The following ABCG4 variants were observed in gnomAD, a reference collection of about 807,000 sequenced individuals.
ABCG4 encodes ATP binding cassette subfamily G member 4.
ABCG4 carries 35 observed loss-of-function variants against 64.6 expected under a neutral mutation model. The ratio of observed to expected loss-of-function variants is 0.54; its 90% CI spans 0.41 to 0.72. The LOEUF is 0.72. Among genes scored for constraint, ABCG4 ranks in the 30% least tolerant of loss-of-function variants. The probability of loss-of-function intolerance (pLI) is 0.00; values close to 1 mark genes in which losing one functional copy is unlikely to be tolerated. For synonymous variants in ABCG4, 326 were observed against 348.2 expected, an observed-to-expected ratio of 0.94 and a Z score of 0.71; for missense variants, 610 against 846.3, an observed-to-expected ratio of 0.72 and a Z score of 3.46.
At position 119,160,223 on chromosome 11, in the gene ABCG4, C is replaced by G. The variant is rs928715107; in HGVS notation, c.1438-4C>G. The G allele has an allele frequency of 6.2e-7, 1 of 1,606,308 alleles. No homozygotes were observed. ...CCACTGTCCAGCCCGTGCCCACTCC[C>G]CAGGTGGTGTGTCCGGTGGTCTACT... is the stretch of plus-strand genomic sequence containing the variant. On this transcript the variant is annotated splice_polypyrimidine_tract_variant and splice_region_variant and intron_variant, in intron 12 of 14. Transcript: ENST00000619701. This position sits in a 1 kb window ranked among gnomAD's most constrained non-coding sequence, Gnocchi z 4.6.
rs758327531 is a variant in ABCG4, at chr11:119,158,757, G to A, written c.1336+32G>A. The A allele has an allele frequency of 6.2e-7, 1 of 1,614,090 alleles. No homozygotes were observed. Among genetic ancestry groups the A allele is most frequent in the Non-Finnish European group, 8.5e-7 (1 of 1,180,034 alleles). On this transcript the variant is annotated intron_variant, in intron 11 of 14. Coordinates refer to ENST00000619701, the MANE Select transcript of ABCG4 (RefSeq NM_022169.5). The surrounding 1 kb of genome is among the most constrained non-coding windows in gnomAD (Gnocchi z 4.5). ...TGAGCTGCCCTGGGCATGGGGCAAG[G>A]GTGTGGGTGCTGGGGCTTGGGGCAG...
rs1394315177 is a variant in ABCG4 at position 119,158,059 on chromosome 11, T to G, written c.1069-175T>G. Among the ~76,000 whole-genome samples, 1 of 152,196 alleles carries G rather than the reference T, an allele frequency of 6.6e-6. No homozygotes were observed. The highest frequency in any genetic ancestry group is 6.5e-5 in the Admixed American group (1 of 15,286). On this transcript the variant is annotated intron_variant, in intron 9 of 14. Coordinates refer to ENST00000619701, the MANE Select transcript of ABCG4 (RefSeq NM_022169.5). This position sits in a 1 kb window ranked among gnomAD's most constrained non-coding sequence, Gnocchi z 4.5. ...TTTTTGTGTCTGAATCTTGCTCTGA[T>G]TCATACCCCTAAGCCTAGCTTTCAG... is the stretch of plus-strand genomic sequence containing the variant.
intron 12 of ABCG4, among the ~76,000 whole-genome samples, chr11:119,159,287 C>T (rs761362017): frequency 6.6e-6 from 1 of 152,190 alleles, no homozygotes; most frequent in Non-Finnish European, 1.5e-5. Context: ...AGGAGTTTGA[C>T]ACCAGCCTGG....
intron 2 of ABCG4, chr11:119,152,842 C>T (rs889990735): frequency 5.3e-5 from 8 of 152,220 alleles, no homozygotes; most frequent in Non-Finnish European, 7.3e-5. Flanking sequence ...TCTTGATTTT[C>T]CTCTTTCCCC....
chr11:119,151,816 G>C (rs1948196216), intron 2 of ABCG4, among the ~76,000 whole-genome samples: 1 of 152,162 alleles, frequency 6.6e-6, no homozygotes, highest in African/African-American at 2.4e-5. Flanking sequence ...CAAGGGCCTG[G>C]CTGGCCTCTT....
rs1251937763 is a variant in ABCG4 at position 119,156,394 on chromosome 11, G to A, written c.752G>A (p.Arg251His). 6 of 1,614,000 alleles carry A rather than the reference G, an allele frequency of 3.7e-6. No homozygotes were observed. The highest frequency in any genetic ancestry group is 1.1e-5 in the South Asian group (1 of 91,094). Residue 251 changes from arginine (R) to histidine (H), a missense_variant, in exon 7 of 15, where the codon CGT (arginine) becomes CAT (histidine). Coordinates refer to ENST00000619701, the MANE Select transcript of ABCG4 (RefSeq NM_022169.5). This position sits in a 1 kb window ranked among gnomAD's most constrained non-coding sequence, Gnocchi z 5.5. The stretch of plus-strand genomic sequence containing the variant: ...ATGAAGTCCCTGGCACAGGGGGGCC[G>A]TACCATCATCTGCACCATCCACCAG... ...SLMKSLAQGG[R>H]TIICTIHQPS...
At chr11:119,153,674 T>G (rs1592303611) in intron 2 of ABCG4, 1 of 211,680 alleles carries the variant, frequency 4.7e-6, no homozygotes, top group Non-Finnish European at 9.7e-6. Context: ...GTAGTGGGAG[T>G]TTTCCTGGAG....
rs1948166822 is a variant in ABCG4 at position 119,149,803 on chromosome 11, T to TG, written c.-12-145dup. ...GGACTGAGCGTCTCCGTGCGGAGAGTGGGGGGCGGGGGCAGAGTGCGGGGC... is the reference window on the plus strand; with the variant it reads ...GGACTGAGCGTCTCCGTGCGGAGAGTGGGGGGGCGGGGGCAGAGTGCGGGGC... On this transcript the variant is annotated intron_variant, in intron 1 of 14. Transcript: ENST00000619701. This position sits in a 1 kb window ranked among gnomAD's most constrained non-coding sequence, Gnocchi z 8.3. The TG allele has an allele frequency of 1.7e-6, 2 of 1,209,346 alleles. No homozygotes were observed. The highest frequency in any genetic ancestry group is 2.2e-6 in the Non-Finnish European group (2 of 904,276). The allele number at this position is 1,209,346 out of a possible 1,614,324, so 74.9% of individuals were successfully genotyped here. A position where few individuals can be genotyped will look rare whatever the true frequency, so the allele number is the denominator to read the frequency against.
chr11:119,154,535 A>C lies in ABCG4; in HGVS notation c.500A>C (p.Asn167Thr). 3.1e-6 allele frequency: 5 copies of C among 1,613,952 alleles called. No homozygotes were observed. Among genetic ancestry groups the C allele is most frequent in the Non-Finnish European group, 4.2e-6 (5 of 1,179,968 alleles). ...TVLEAMMVSA[N>T]LKLSEKQEVK... The stretch of plus-strand genomic sequence containing the variant: ...CTCTCTGGGCCCCAGGTCTCTGCTA[A>C]CCTGAAGCTGAGTGAGAAGCAGGAG... Residue 167 changes from asparagine to threonine, a missense_variant, in exon 5 of 15, where the codon AAC becomes ACC. Transcript: ENST00000619701. The surrounding 1 kb of genome is among the most constrained non-coding windows in gnomAD (Gnocchi z 7.0).
rs1400088144 is a variant in ABCG4, at chr11:119,154,566, GA to G, written c.533del (p.Lys178ArgfsTer4). 6.2e-7 allele frequency: 1 copy of G among 1,613,510 alleles called. No homozygotes were observed. Among genetic ancestry groups the G allele is most frequent in the African/African-American group, 1.3e-5 (1 of 75,016 alleles). On this transcript the variant is annotated frameshift_variant, in exon 5 of 15. Coordinates refer to ENST00000619701, the MANE Select transcript of ABCG4 (RefSeq NM_022169.5). LOFTEE classifies it high-confidence loss of function. The surrounding 1 kb of genome is among the most constrained non-coding windows in gnomAD (Gnocchi z 7.0). ...AGCTGAGTGAGAAGCAGGAGGTGAA[GA>G]AGGAGCTGGTGAGTGGGGAAGGGAG... is the stretch of plus-strand genomic sequence containing the variant. ...LKLSEKQEVK[K>X]ELVTEILTAL...
intron 12 of ABCG4, among the ~76,000 whole-genome samples, chr11:119,159,717 G>C (rs1359321709): frequency 6.6e-6 from 1 of 152,100 alleles, no homozygotes; most frequent in Non-Finnish European, 1.5e-5. Flanking sequence ...GTTAGAAAAA[G>C]GTGCCCCTTC....
rs1471398192 is a variant in ABCG4 at position 119,160,461 on chromosome 11, T to A, written c.1596+76T>A. The A allele has an allele frequency of 1.9e-6, 3 of 1,608,412 alleles. No homozygotes were observed. Among genetic ancestry groups the A allele is most frequent in the Non-Finnish European group, 2.5e-6 (3 of 1,177,948 alleles). ...GAGGAAGCAGGGCCTGGTGCAAGGG[T>A]TAGGGTGGAGCTCTAGGAAACCTGG... On this transcript the variant is annotated intron_variant, in intron 13 of 14. Transcript: ENST00000619701. The surrounding 1 kb of genome is among the most constrained non-coding windows in gnomAD (Gnocchi z 4.6).
intron 9 of ABCG4, among the ~76,000 whole-genome samples, 168 bp downstream of exon 9, chr11:119,157,182 G>A (rs865983864): frequency 2.0e-5 from 3 of 152,210 alleles, no homozygotes; most frequent in South Asian, 2.1e-4. Context: ...TGTGACCTTA[G>A]GCACATTATT....
chr11:119,157,009 C>T lies in ABCG4; in HGVS notation c.1063C>T (p.Pro355Ser). ...NEVPAPCPPC[P>S]PEVDPIESHT... ...GGTCCCTGCCCCATGCCCTCCTTGT[C>T]CTCCGGTGAGTAGGGGTGGAGAGGG... The change falls in exon 9 of 15, where the codon CCT (proline) becomes TCT (serine). Residue 355 changes from proline (P) to serine (S), a missense_variant. By Grantham distance (74) the Pro-to-Ser change is moderately conservative. Coordinates refer to ENST00000619701, the MANE Select transcript of ABCG4 (RefSeq NM_022169.5). 1.2e-6 allele frequency: 2 copies of T among 1,605,776 alleles called. No homozygotes were observed. The highest frequency in any genetic ancestry group is 1.7e-6 in the Non-Finnish European group (2 of 1,176,116).
intron 2 of ABCG4, among the ~76,000 whole-genome samples, chr11:119,151,214 T>C (rs1411126107): frequency 6.6e-6 from 1 of 152,248 alleles, no homozygotes; most frequent in Non-Finnish European, 1.5e-5. Context: ...TTGTTATTTC[T>C]TTAGCCCTCT....
rs566249451 is a variant in ABCG4, at chr11:119,155,925, C to G, written c.687-404C>G. Reference sequence around the variant, plus strand: ...CCTGCTTAGCTCTTACTCCTGGGCTCGCTCAGGAACCTTCTCTGACTACCC... The same window carrying G: ...CCTGCTTAGCTCTTACTCCTGGGCTGGCTCAGGAACCTTCTCTGACTACCC... On this transcript the variant is annotated intron_variant, in intron 6 of 14. Transcript: ENST00000619701. This position sits in a 1 kb window ranked among gnomAD's most constrained non-coding sequence, Gnocchi z 4.5. 1 of 214,082 alleles carries G rather than the reference C, an allele frequency of 4.7e-6. No homozygotes were observed. The highest frequency in any genetic ancestry group is 2.3e-5 in the African/African-American group (1 of 43,418). 13.3% of individuals were successfully genotyped at this position (214,082 alleles called of 1,614,324 possible). A position where few individuals can be genotyped will look rare whatever the true frequency, so the allele number is the denominator to read the frequency against.
chr11:119,149,690 TA>T lies in ABCG4; in HGVS notation c.-12-262del. ...CCCCAGGGGCTGCTGGCCTGCGGGGTAAGGAGATTAGAGAAGCCGCCGGGAG... is the reference window on the plus strand; with the variant it reads ...CCCCAGGGGCTGCTGGCCTGCGGGGTAGGAGATTAGAGAAGCCGCCGGGAG... On this transcript the variant is annotated intron_variant, in intron 1 of 14. Coordinates refer to ENST00000619701, the MANE Select transcript of ABCG4 (RefSeq NM_022169.5). The surrounding 1 kb of genome is among the most constrained non-coding windows in gnomAD (Gnocchi z 8.3). The T allele has an allele frequency of 2.0e-6, 1 of 500,890 alleles. No individual in the cohort carries two copies. Among genetic ancestry groups the T allele is most frequent in the Non-Finnish European group, 3.6e-6 (1 of 280,396 alleles). The allele number at this position is 500,890 out of a possible 1,614,324, so 31.0% of individuals were successfully genotyped here. A position where few individuals can be genotyped will look rare whatever the true frequency, so the allele number is the denominator to read the frequency against.
rs780779635 is a variant in ABCG4, at chr11:119,154,597, T to G, written c.540+22T>G. On this transcript the variant is annotated intron_variant, in intron 5 of 14. Transcript: ENST00000619701. This position sits in a 1 kb window ranked among gnomAD's most constrained non-coding sequence, Gnocchi z 7.0. Reference sequence around the variant, plus strand: ...GCTGGTGAGTGGGGAAGGGAGGCAGTGGGACCACTCCCTTTTGTGGTGCTG... The same window carrying G: ...GCTGGTGAGTGGGGAAGGGAGGCAGGGGGACCACTCCCTTTTGTGGTGCTG... The G allele has an allele frequency of 5.5e-5, 89 of 1,611,204 alleles. No individual in the cohort carries two copies. The highest frequency in any genetic ancestry group is 7.0e-5 in the Non-Finnish European group (82 of 1,179,108).
Position 119,161,646 on chromosome 11 carries a change from T to G in ABCG4, c.*540T>G, listed in dbSNP as rs979122763. The G allele has an allele frequency of 6.5e-6, 1 of 154,730 alleles. No homozygotes were observed. Among genetic ancestry groups the G allele is most frequent in the Admixed American group, 6.4e-5 (1 of 15,734 alleles). The allele number at this position is 154,730 out of a possible 1,614,324, so 9.6% of individuals were successfully genotyped here. On this transcript the variant is annotated 3_prime_UTR_variant, in exon 15 of 15. Coordinates refer to ENST00000619701, the MANE Select transcript of ABCG4 (RefSeq NM_022169.5). ...GTCTCTTCCTCCTCCTCCTCTTCTCTCCACCCCTAGACCCTGGCTGACTTG... is the reference window on the plus strand; with the variant it reads ...GTCTCTTCCTCCTCCTCCTCTTCTCGCCACCCCTAGACCCTGGCTGACTTG...
Sources: allele counts gnomAD v4.1 joint callset (sites outside exome capture counted in the v4.1 genomes callset), GRCh38; gene constraint gnomAD v4.1.1; non-coding constraint Gnocchi (gnomAD v3.1); transcripts MANE v1.5; gene names NCBI Gene and HGNC (gene_info 2026-07-23, HGNC 2026-07-21).